ATP8B4: variants seen among roughly 807,000 people sequenced by gnomAD.
ATP8B4 encodes ATPase phospholipid transporting 8B4 (putative), also known as probable phospholipid-transporting ATPase IM.
A neutral mutation model predicts 145.6 loss-of-function variants in ATP8B4; 133 were observed. The ratio of observed to expected loss-of-function variants is 0.91; its 90% CI spans 0.79 to 1.05. The LOEUF is 1.05. Among genes scored for constraint, ATP8B4 ranks in the 50% least tolerant of loss-of-function variants. ATP8B4 has a pLI of 0.00. For synonymous variants in ATP8B4, 507 were observed against 492.9 expected, an observed-to-expected ratio of 1.03 and a Z score of -0.38; for missense variants, 1,458 against 1,425.2, an observed-to-expected ratio of 1.02 and a Z score of -0.37.
intron 7 of ATP8B4, among the ~76,000 whole-genome samples, 165 bp from the exon 8 acceptor site, chr15:50,002,388 C>T (rs574907532): frequency 1.3e-5 from 2 of 152,256 alleles, no homozygotes; most frequent in Admixed American, 6.5e-5. Context: ...CTGAACCAAA[C>T]CCTCCCTCTT....
chr15:49,893,714 AT>A (rs2037078570), intron 23 of ATP8B4, among the ~76,000 whole-genome samples: 1 of 152,176 alleles, frequency 6.6e-6, no homozygotes, highest in Admixed American at 6.5e-5. Context: ...AGTTTTAGAG[AT>A]CTGTTACATA....
chr15:50,009,851 T>C (rs557106896), intron 7 of ATP8B4, among the ~76,000 whole-genome samples: 1 of 152,300 alleles, frequency 6.6e-6, no homozygotes, highest in East Asian at 1.9e-4. Flanking sequence ...CCAGCTATTT[T>C]CCAAAGCATT....
chr15:50,060,897 T>C (rs1454685249), intron 3 of ATP8B4, among the ~76,000 whole-genome samples: 1 of 152,148 alleles, frequency 6.6e-6, no homozygotes, highest in East Asian at 1.9e-4. Flanking sequence ...CTCTAAGAGT[T>C]TTGATAGGCA....
chr15:50,178,638 C>T (rs1200464361), intron 1 of ATP8B4, among the ~76,000 whole-genome samples: 1 of 152,174 alleles, frequency 6.6e-6, no homozygotes, highest in African/African-American at 2.4e-5. Flanking sequence ...GCTGGAATTA[C>T]AGGTGCATGC....
rs193056104 is a variant in ATP8B4, at chr15:50,085,910, T to C, written c.29-11725A>G. ...TTATATATGATATATATCATATATA[T>C]TTATATATGATATATATCATATATA... On this transcript the variant is annotated intron_variant, in intron 2 of 27. Coordinates refer to ENST00000284509, the MANE Select transcript of ATP8B4 (RefSeq NM_024837.4). Among the ~76,000 whole-genome samples the C allele has an allele frequency of 2.6e-3, 251 of 96,912 alleles. 2 individuals carry two copies. The highest frequency in any genetic ancestry group is 0.012 in the African/African-American group (238 of 20,658). 63.6% of individuals were successfully genotyped at this position (96,912 alleles called of 152,430 possible).
intron 13 of ATP8B4, among the ~76,000 whole-genome samples, chr15:49,965,945 G>C (rs1056894238): frequency 6.6e-6 from 1 of 152,166 alleles, no homozygotes; most frequent in African/African-American, 2.4e-5. Flanking sequence ...GGACTGGTTA[G>C]ACAGTGGGTG....
intron 10 of ATP8B4, among the ~76,000 whole-genome samples, chr15:49,982,803 G>A (rs553621464): frequency 1.3e-5 from 2 of 152,108 alleles, no homozygotes; most frequent in East Asian, 1.9e-4. Flanking sequence ...TCTCCCACTC[G>A]TTACTCAACC....
intron 2 of ATP8B4, among the ~76,000 whole-genome samples, chr15:50,099,245 C>T (rs1171025562): frequency 6.6e-6 from 1 of 152,170 alleles, no homozygotes; most frequent in Non-Finnish European, 1.5e-5. Flanking sequence ...AACCTTCTTC[C>T]TGATTGCGGA....
In ATP8B4 at chr15:49,960,855, G is replaced by T. The variant is rs560819770; in HGVS notation, c.1287+1122C>A. Among the ~76,000 whole-genome samples, 5 of 152,284 alleles carry T rather than the reference G, an allele frequency of 3.3e-5. No homozygotes were observed. In the East Asian group the frequency reaches 9.7e-4, roughly 29 times the overall value. ...GTAAAAAAATTATGAACCAGAGGCC[G>T]GGCGCAGTGGCTCACGCCTGTAATC... On this transcript the variant is annotated intron_variant, in intron 14 of 27. Transcript: ENST00000284509.
At chr15:49,995,299 TG>T (rs1450266197) in intron 9 of ATP8B4, among the ~76,000 whole-genome samples, 1 of 152,200 alleles carries the variant, frequency 6.6e-6, no homozygotes, top group East Asian at 1.9e-4. Flanking sequence ...ATGGCCTTTT[TG>T]GGCCTCCATG....
chr15:50,053,158 T>A (rs1472353266), intron 3 of ATP8B4, among the ~76,000 whole-genome samples: 1 of 152,172 alleles, frequency 6.6e-6, no homozygotes, highest in African/African-American at 2.4e-5. Context: ...GAGTTTTACA[T>A]TTTACAGCTC....
intron 7 of ATP8B4, among the ~76,000 whole-genome samples, chr15:50,010,429 T>G (rs1457110720): frequency 6.6e-6 from 1 of 152,032 alleles, no homozygotes; most frequent in South Asian, 2.1e-4. Flanking sequence ...CTTTTCTCTT[T>G]CTCTAGCTTA....
chr15:49,926,396 C>T (rs1467359199), intron 16 of ATP8B4, among the ~76,000 whole-genome samples: 1 of 152,052 alleles, frequency 6.6e-6, no homozygotes, highest in Non-Finnish European at 1.5e-5. Flanking sequence ...ATTTCTCTTG[C>T]CACTTCTCTC....
chr15:49,972,710 G>A lies in ATP8B4; in HGVS notation c.1115C>T (p.Ala372Val), dbSNP rs1377147356. ...ATTGAGCGTGGTCGTTCGAGCCACTGCAGGTATTGCTTTTCGAGAATAATA... is the reference window on the plus strand; with the variant it reads ...ATTGAGCGTGGTCGTTCGAGCCACTACAGGTATTGCTTTTCGAGAATAATA... ...KMYYSRKAIP[A>V]VARTTTLNEE... The change falls in exon 13 of 28, where the codon GCA becomes GTA. Residue 372 changes from alanine to valine, a missense_variant. Coordinates refer to ENST00000284509, the MANE Select transcript of ATP8B4 (RefSeq NM_024837.4). The A allele has an allele frequency of 1.9e-6, 3 of 1,613,964 alleles. No homozygotes were observed. The highest frequency in any genetic ancestry group is 2.5e-6 in the Non-Finnish European group (3 of 1,179,968).
chr15:49,866,275 CA>C, intron 26 of ATP8B4, 70 bp downstream of exon 26: 1 of 1,542,068 alleles, frequency 6.5e-7, no homozygotes. Flanking sequence ...CTACCTAACA[CA>C]AAAAATAAAT....
At chr15:49,877,083 G>A (rs977155742) in intron 24 of ATP8B4, among the ~76,000 whole-genome samples, 2 of 152,226 alleles carry the variant, frequency 1.3e-5, no homozygotes, top group Non-Finnish European at 2.9e-5. Context: ...AGGCTGGGAT[G>A]AGGATCCTAC....
intron 1 of ATP8B4, among the ~76,000 whole-genome samples, chr15:50,178,673 CT>C (rs1279916466): frequency 6.6e-6 from 1 of 152,030 alleles, no homozygotes. Context: ...AATTTCTGTA[CT>C]TTTTATGTGT....
At chr15:50,046,721 G>C (rs1019773265) in intron 4 of ATP8B4, among the ~76,000 whole-genome samples, 2 of 152,126 alleles carry the variant, frequency 1.3e-5, no homozygotes, top group Admixed American at 6.6e-5. Flanking sequence ...TGTGTGTATA[G>C]TATGTATGTG....
In ATP8B4 at chr15:49,920,326, G is replaced by A; in HGVS notation, c.1843C>T (p.Leu615Phe). Reference sequence around the variant, plus strand: ...TCTGTGGCAGCATTCGCATCTTCAAGCATCTTATGCCACTCTTTAAAGTAC... The same window carrying A: ...TCTGTGGCAGCATTCGCATCTTCAAACATCTTATGCCACTCTTTAAAGTAC... ...DKYFKEWHKMLEDANAATEER... is the reference protein window; with the variant it reads ...DKYFKEWHKMFEDANAATEER... Residue 615 changes from leucine to phenylalanine, a missense_variant, in exon 18 of 28, where the codon CTT becomes TTT. By Grantham distance (22) the Leu-to-Phe change is conservative (BLOSUM62 0). Coordinates refer to ENST00000284509, the MANE Select transcript of ATP8B4 (RefSeq NM_024837.4). 2 of 1,614,144 alleles carry A rather than the reference G, an allele frequency of 1.2e-6. No individual in the cohort carries two copies. Among genetic ancestry groups the A allele is most frequent in the Non-Finnish European group, 1.7e-6 (2 of 1,180,036 alleles).
Sources: gnomAD v4.1 joint callset for allele counts (sites outside exome capture counted in the v4.1 genomes callset) on GRCh38, gnomAD v4.1.1 for gene constraint, MANE v1.5 for transcripts, NCBI Gene and HGNC (gene_info 2026-07-23, HGNC 2026-07-21) for gene names.